The following TANC1 variants were observed in gnomAD, a reference collection of about 807,000 sequenced individuals.
The protein encoded by TANC1 is tetratricopeptide repeat, ankyrin repeat and coiled-coil containing 1.
TANC1 carries 77 observed loss-of-function variants against 149.7 expected under a neutral mutation model. The ratio of observed to expected loss-of-function variants is 0.51; its 90% CI spans 0.43 to 0.62. The LOEUF (loss-of-function observed/expected upper bound fraction) is 0.62. Among genes scored for constraint, TANC1 ranks in the 20% least tolerant of loss-of-function variants. The pLI, the probability that TANC1 is intolerant of heterozygous loss-of-function variation, is 0.00. For synonymous variants in TANC1, 854 were observed against 925.0 expected, an observed-to-expected ratio of 0.92 and a Z score of 1.39; for missense variants, 1,985 against 2,321.8, an observed-to-expected ratio of 0.85 and a Z score of 2.98.
intron 2 of TANC1, among the ~76,000 whole-genome samples, chr2:159,062,973 C>CAAAAAAAAAAAATAA (rs2042359046): frequency 2.4e-5 from 1 of 41,216 alleles, no homozygotes; most frequent in African/African-American, 7.4e-5. Context: ...GACTCCGTCT[C>CAAAAAAAAAAAATAA]AAAAAAAAAA....
intron 8 of TANC1, among the ~76,000 whole-genome samples, chr2:159,165,438 C>A (rs571617498): frequency 6.6e-6 from 1 of 152,276 alleles, no homozygotes; most frequent in Middle Eastern, 3.4e-3. Context: ...AAACTAAATG[C>A]ATATTTTGAA....
chr2:159,059,935 TTTG>T (rs1159149091), intron 2 of TANC1, among the ~76,000 whole-genome samples: 59 of 145,326 alleles, frequency 4.1e-4, no homozygotes, highest in East Asian at 1.2e-3. Context: ...TGTGTGGTTT[TTTG>T]TTGTTGTTGT....
intron 19 of TANC1, among the ~76,000 whole-genome samples, chr2:159,207,804 C>T (rs1451603182): frequency 6.7e-6 from 1 of 149,392 alleles, no homozygotes; most frequent in Non-Finnish European, 1.5e-5. Context: ...TTATTTTCCT[C>T]ATCTGTAACA....
intron 16 of TANC1, among the ~76,000 whole-genome samples, chr2:159,192,011 A>G (rs1235136762): frequency 6.6e-6 from 1 of 151,964 alleles, no homozygotes; most frequent in East Asian, 1.9e-4. Context: ...GTATCTAATG[A>G]TCTGAAGATC....
At chr2:159,204,014 C>G (rs2150781611) in intron 19 of TANC1, among the ~76,000 whole-genome samples, 1 of 152,348 alleles carries the variant, frequency 6.6e-6, no homozygotes, top group East Asian at 1.9e-4. Context: ...AGCATGGTAG[C>G]TACTAGCCAC....
intron 4 of TANC1, among the ~76,000 whole-genome samples, chr2:159,122,225 ACTGTTCCTGGC>A (rs1018088253): frequency 6.6e-6 from 1 of 152,172 alleles, no homozygotes; most frequent in African/African-American, 2.4e-5. Context: ...GGTGTGAGCC[ACTGTTCCTGGC>A]CTATTTTTTA....
chr2:159,049,633 C>G (rs1297331181), intron 2 of TANC1, among the ~76,000 whole-genome samples: 5 of 152,146 alleles, frequency 3.3e-5, no homozygotes. Context: ...TGAGGACCTC[C>G]CCAGAGTGGT....
intron 19 of TANC1, among the ~76,000 whole-genome samples, chr2:159,212,746 C>A (rs915194935): frequency 6.6e-6 from 1 of 152,038 alleles, no homozygotes; most frequent in Non-Finnish European, 1.5e-5. Context: ...CATGGTGAAA[C>A]CCTGTCTCTA....
At chr2:159,070,642 G>A (rs1253900559) in intron 3 of TANC1, among the ~76,000 whole-genome samples, 1 of 152,200 alleles carries the variant, frequency 6.6e-6, no homozygotes, top group Non-Finnish European at 1.5e-5. Flanking sequence ...AAAATGTGAG[G>A]CAGGTGCATA....
chr2:159,084,285 C>A (rs527511355), intron 3 of TANC1, among the ~76,000 whole-genome samples: 1 of 151,910 alleles, frequency 6.6e-6, no homozygotes, highest in Admixed American at 6.5e-5. Flanking sequence ...TCATTTTCTT[C>A]GTCACTCCTA....
intron 18 of TANC1, 55 bp from the exon 19 acceptor site, chr2:159,198,920 T>C: frequency 7.8e-7 from 1 of 1,289,642 alleles, no homozygotes; most frequent in Non-Finnish European, 1.1e-6. Flanking sequence ...ACATGGGCTA[T>C]AATAAGCACC....
intron 5 of TANC1, among the ~76,000 whole-genome samples, chr2:159,144,291 T>G (rs2051794309): frequency 6.6e-6 from 1 of 152,222 alleles, no homozygotes; most frequent in African/African-American, 2.4e-5. Flanking sequence ...GAAGGTAACC[T>G]GCATGATAAC....
At chr2:159,122,766 CTT>C (rs35478930) in intron 4 of TANC1, among the ~76,000 whole-genome samples, 145 of 144,356 alleles carry the variant, frequency 1.0e-3, no homozygotes, top group Middle Eastern at 7.1e-3. Flanking sequence ...CTTTTTTCTT[CTT>C]TTTTTTTTTT....
At chr2:159,091,739 C>CT (rs2045564653) in intron 3 of TANC1, among the ~76,000 whole-genome samples, 1 of 152,194 alleles carries the variant, frequency 6.6e-6, no homozygotes, top group African/African-American at 2.4e-5. Flanking sequence ...TAGCTGCTTT[C>CT]TTGCCTCTTA....
intron 16 of TANC1, among the ~76,000 whole-genome samples, chr2:159,192,567 A>C (rs2057526127): frequency 6.6e-6 from 1 of 152,346 alleles, no homozygotes; most frequent in Admixed American, 6.5e-5. Flanking sequence ...GAACTTATTA[A>C]AAATGTACCA....
chr2:159,107,327 G>A (rs933812108), intron 4 of TANC1, among the ~76,000 whole-genome samples: 7 of 152,144 alleles, frequency 4.6e-5, no homozygotes, highest in Non-Finnish European at 5.9e-5. Flanking sequence ...ATGCCCAGCC[G>A]CTTACAGTGT....
intron 2 of TANC1, among the ~76,000 whole-genome samples, chr2:159,028,953 G>A (rs2039567522): frequency 6.6e-6 from 1 of 152,038 alleles, no homozygotes; most frequent in Non-Finnish European, 1.5e-5. Flanking sequence ...TGAGGATCTT[G>A]CTATGTTGCC....
chr2:159,160,174 G>A (rs1292949926), intron 7 of TANC1, among the ~76,000 whole-genome samples: 1 of 152,106 alleles, frequency 6.6e-6, no homozygotes, highest in Non-Finnish European at 1.5e-5. Flanking sequence ...CCTGTGTCTC[G>A]AGGGTGGCTG....
At chr2:159,174,694 A>G (rs1331592656) in intron 11 of TANC1, among the ~76,000 whole-genome samples, 5 of 152,208 alleles carry the variant, frequency 3.3e-5, no homozygotes, top group Non-Finnish European at 7.3e-5. Flanking sequence ...TTTATATTAA[A>G]TACAAAAATA....
Sources: gnomAD v4.1 joint callset for allele counts (sites outside exome capture counted in the v4.1 genomes callset) on GRCh38, gnomAD v4.1.1 for gene constraint, MANE v1.5 for transcripts, NCBI Gene and HGNC (gene_info 2026-07-23, HGNC 2026-07-21) for gene names.